Variants in SLC24A2 observed in about 807,000 individuals in gnomAD.
SLC24A2 encodes the protein sodium/potassium/calcium exchanger 2.
Under a neutral mutation model 62.0 loss-of-function variants are expected in SLC24A2, and 36 were observed. That is an observed-to-expected ratio of 0.58 (90% CI 0.44 to 0.77). SLC24A2 has a LOEUF of 0.77. Among genes scored for constraint, SLC24A2 ranks in the 30% least tolerant of loss-of-function variants. The pLI, the probability that SLC24A2 is intolerant of heterozygous loss-of-function variation, is 0.00. For synonymous variants in SLC24A2, 358 were observed against 294.0 expected (o/e 1.22, Z -2.23); for missense variants, 846 against 817.9 (o/e 1.03, Z -0.42).
chr9:19,950,399 C>T, the SLC24A2 span, among the ~76,000 whole-genome samples: 4 of 152,046 alleles, frequency 2.6e-5, no homozygotes, highest in Admixed American at 6.5e-5. Context: ...TGTCCAGGGC[C>T]AGCAAGGTTT....
At chr9:20,306,445 A>G in the SLC24A2 span, among the ~76,000 whole-genome samples, 1 of 152,204 alleles carries the variant, frequency 6.6e-6, no homozygotes, top group Non-Finnish European at 1.5e-5. Flanking sequence ...TTTTTTCCCA[A>G]AAGGTTCCAC....
At chr9:20,257,764 G>A in the SLC24A2 span, among the ~76,000 whole-genome samples, 1 of 152,118 alleles carries the variant, frequency 6.6e-6, no homozygotes, top group African/African-American at 2.4e-5. Context: ...AATAATATAT[G>A]GAAATGACCT....
chr9:20,307,166 A>C, the SLC24A2 span, among the ~76,000 whole-genome samples: 137 of 152,326 alleles, frequency 9.0e-4, no homozygotes, highest in African/African-American at 3.0e-3. Flanking sequence ...CACAGATAGA[A>C]AGTAACCATA....
intron 5 of SLC24A2, among the ~76,000 whole-genome samples, chr9:19,590,614 T>C (rs1836523490): frequency 6.6e-6 from 1 of 152,114 alleles, no homozygotes; most frequent in African/African-American, 2.4e-5. Flanking sequence ...AGCTTATTAT[T>C]TTCCTCTCTG....
the SLC24A2 span, among the ~76,000 whole-genome samples, chr9:19,829,413 T>C: frequency 2.6e-4 from 40 of 152,180 alleles, no homozygotes; most frequent in Non-Finnish European, 3.5e-4. Context: ...ACAGAGGACC[T>C]GGCATGTTGC....
the SLC24A2 span, among the ~76,000 whole-genome samples, chr9:20,159,621 G>A: frequency 6.6e-6 from 1 of 151,382 alleles, no homozygotes. Context: ...AGGAAGGAGA[G>A]AGAAAGGGAA....
At chr9:19,553,496 T>C (rs768944229) in intron 7 of SLC24A2, among the ~76,000 whole-genome samples, 9 of 152,232 alleles carry the variant, frequency 5.9e-5, no homozygotes, top group Non-Finnish European at 1.0e-4. Context: ...CTTAGAATTG[T>C]GTAAAGCTTT....
At chr9:19,770,410 A>AT (rs1326615866) in intron 2 of SLC24A2, among the ~76,000 whole-genome samples, 1 of 151,996 alleles carries the variant, frequency 6.6e-6, no homozygotes, top group Non-Finnish European at 1.5e-5. Flanking sequence ...TTTTTTCAGG[A>AT]TAGTCACATT....
rs1328172987 is a variant in SLC24A2, at chr9:19,514,157, T to C, written c.*1996A>G. The C allele has an allele frequency of 2.6e-5, 4 of 152,222 alleles. No homozygotes were observed. Among genetic ancestry groups the C allele is most frequent in the South Asian group, 4.1e-4 (2 of 4,832 alleles). 9.4% of individuals were successfully genotyped at this position (152,222 alleles called of 1,614,324 possible). A position where few individuals can be genotyped will look rare whatever the true frequency, so the allele number is the denominator to read the frequency against. ...AAGAGGAATGATGGGCATTTCCTGT[T>C]ATTGCCATGCTCTGTGGGGTGAGCT... On this transcript the variant is annotated 3_prime_UTR_variant, in exon 11 of 11. Transcript: ENST00000341998.
chr9:19,698,388 A>G (rs1298927256), intron 2 of SLC24A2, among the ~76,000 whole-genome samples: 1 of 152,216 alleles, frequency 6.6e-6, no homozygotes, highest in Non-Finnish European at 1.5e-5. Context: ...TTATATATGT[A>G]TATGTAGATA....
chr9:20,233,235 A>C, the SLC24A2 span, among the ~76,000 whole-genome samples: 1 of 152,206 alleles, frequency 6.6e-6, no homozygotes, highest in Non-Finnish European at 1.5e-5. Flanking sequence ...GTAGATGTCT[A>C]TTAGGTCTGC....
chr9:20,106,396 A>T, the SLC24A2 span, among the ~76,000 whole-genome samples: 6 of 152,216 alleles, frequency 3.9e-5, no homozygotes, highest in African/African-American at 1.4e-4. Context: ...ACACAACCAA[A>T]AAAGAGAATT....
chr9:19,556,439 A>G (rs1384082398), intron 7 of SLC24A2, among the ~76,000 whole-genome samples: 1 of 152,180 alleles, frequency 6.6e-6, no homozygotes, highest in East Asian at 1.9e-4. Context: ...GCCCACTTTA[A>G]CACAATCTCT....
chr9:19,895,937 G>C, the SLC24A2 span: 2 of 1,613,162 alleles, frequency 1.2e-6, no homozygotes, highest in South Asian at 2.2e-5. Context: ...AGGTCAAACA[G>C]CTGCACGTGC....
At chr9:19,992,356 T>C in the SLC24A2 span, among the ~76,000 whole-genome samples, 1 of 152,226 alleles carries the variant, frequency 6.6e-6, no homozygotes, top group Non-Finnish European at 1.5e-5. Flanking sequence ...GTTTGCTTGC[T>C]ATGTGTTGCT....
At chr9:19,806,806 T>C in the SLC24A2 span, among the ~76,000 whole-genome samples, 1 of 152,172 alleles carries the variant, frequency 6.6e-6, no homozygotes, top group African/African-American at 2.4e-5. Flanking sequence ...CACAGCTCTC[T>C]CACAACTTAA....
the SLC24A2 span, among the ~76,000 whole-genome samples, chr9:20,184,835 T>C: frequency 6.6e-6 from 1 of 152,088 alleles, no homozygotes; most frequent in African/African-American, 2.4e-5. Flanking sequence ...TCATGATAGT[T>C]AAGACATGGA....
the SLC24A2 span, among the ~76,000 whole-genome samples, chr9:20,298,210 G>C: frequency 3.9e-5 from 6 of 152,246 alleles, no homozygotes; most frequent in East Asian, 1.2e-3. Context: ...TGAGGAAATT[G>C]AGGTTCAGAA....
At chr9:20,221,393 G>C in the SLC24A2 span, among the ~76,000 whole-genome samples, 1 of 151,778 alleles carries the variant, frequency 6.6e-6, no homozygotes, top group African/African-American at 2.4e-5. Context: ...TTGAGAAAAA[G>C]AAAAGAAAGT....
Sources: allele counts gnomAD v4.1 joint callset (sites outside exome capture counted in the v4.1 genomes callset), GRCh38; gene constraint gnomAD v4.1.1; transcripts MANE v1.5; gene names NCBI Gene and HGNC (gene_info 2026-07-23, HGNC 2026-07-21).